LMX1A: variants seen among roughly 807,000 people sequenced by gnomAD.
LMX1A encodes LIM homeobox transcription factor 1 alpha, also known as LIM homeobox transcription factor 1-alpha.
Under a neutral mutation model 49.1 loss-of-function variants are expected in LMX1A, and 15 were observed. That is an observed-to-expected ratio of 0.31 (90% CI 0.20 to 0.47). The LOEUF (loss-of-function observed/expected upper bound fraction) is 0.47, where lower values mean the gene tolerates loss of function less well. Ranked by LOEUF, LMX1A falls within the 20% of genes least tolerant of loss-of-function variation. The pLI, the probability that LMX1A is intolerant of heterozygous loss-of-function variation, is 1.00. For missense variants in LMX1A, 372 were observed against 475.8 expected (o/e 0.78, Z 2.03); for synonymous variants, 167 against 185.7 (o/e 0.90, Z 0.82).
At chr1:165,319,965 T>C (rs1269262388) in intron 3 of LMX1A, among the ~76,000 whole-genome samples, 1 of 152,206 alleles carries the variant, frequency 6.6e-6, no homozygotes, top group Non-Finnish European at 1.5e-5. Context: ...GTCAGGGTTA[T>C]AGTTCTGCAT....
intron 3 of LMX1A, among the ~76,000 whole-genome samples, chr1:165,280,240 C>G (rs1383586780): frequency 6.6e-6 from 1 of 152,192 alleles, no homozygotes; most frequent in Non-Finnish European, 1.5e-5. Context: ...GTGCTGCTCC[C>G]CTTGTCTAAA....
rs1656621970 is a variant in LMX1A, at chr1:165,356,465, C to T, written c.-133G>A. The T allele has an allele frequency of 6.6e-6, 1 of 152,074 alleles. No individual in the cohort carries two copies. The highest frequency in any genetic ancestry group is 6.5e-5 in the Admixed American group (1 of 15,280). The allele number at this position is 152,074 out of a possible 1,614,324, so 9.4% of individuals were successfully genotyped here. The stretch of plus-strand genomic sequence containing the variant: ...CCCGAGACTGCAGCCGGAGGAGCCG[C>T]CCTCGGCTTCGGAGCGCCGGGGAGG... On this transcript the variant is annotated 5_prime_UTR_variant, in exon 1 of 9. Transcript: ENST00000342310.
chr1:165,244,662 A>T (rs140055267), intron 4 of LMX1A, among the ~76,000 whole-genome samples: 3 of 152,168 alleles, frequency 2.0e-5, no homozygotes, highest in Non-Finnish European at 4.4e-5. Flanking sequence ...TTAGCTCTCC[A>T]TGATGGGAAA....
chr1:165,317,546 A>G (rs1370517914), intron 3 of LMX1A, among the ~76,000 whole-genome samples: 3 of 151,782 alleles, frequency 2.0e-5, no homozygotes, highest in Admixed American at 2.0e-4. Flanking sequence ...CCACACGGGG[A>G]AAAAATAAAG....
At chr1:165,254,599 G>A (rs1157444693) in intron 3 of LMX1A, among the ~76,000 whole-genome samples, 1 of 152,192 alleles carries the variant, frequency 6.6e-6, no homozygotes, top group African/African-American at 2.4e-5. Flanking sequence ...TGTGGACCCA[G>A]CTGCTGACTG....
intron 4 of LMX1A, among the ~76,000 whole-genome samples, chr1:165,218,186 T>A (rs1057196044): frequency 6.6e-6 from 1 of 152,216 alleles, no homozygotes; most frequent in African/African-American, 2.4e-5. Context: ...CCATCAAAAC[T>A]TACACATCCT....
intron 3 of LMX1A, among the ~76,000 whole-genome samples, chr1:165,282,364 A>G (rs1401803421): frequency 2.0e-5 from 3 of 152,236 alleles, no homozygotes; most frequent in African/African-American, 7.2e-5. Flanking sequence ...TATAAAATGT[A>G]GTATGTGCAT....
chr1:165,216,176 G>A (rs558568683), intron 4 of LMX1A: 12 of 152,060 alleles, frequency 7.9e-5, no homozygotes, highest in African/African-American at 2.9e-4. Flanking sequence ...TGGTGTGAAG[G>A]GATTATAAAA....
intron 4 of LMX1A, among the ~76,000 whole-genome samples, chr1:165,217,905 C>G (rs562829307): frequency 5.1e-4 from 78 of 152,310 alleles, no homozygotes; most frequent in African/African-American, 1.8e-3. Context: ...TTCCATTTTG[C>G]TTTCTAAGAA....
At chr1:165,253,289 T>C (rs1653122082) in intron 3 of LMX1A, among the ~76,000 whole-genome samples, 1 of 152,186 alleles carries the variant, frequency 6.6e-6, no homozygotes, top group Admixed American at 6.5e-5. Context: ...TAAAATAGAA[T>C]GGCATAAAGC....
chr1:165,285,722 T>G (rs1451015208), intron 3 of LMX1A, among the ~76,000 whole-genome samples: 1 of 152,212 alleles, frequency 6.6e-6, no homozygotes, highest in African/African-American at 2.4e-5. Flanking sequence ...CAGGATGGGT[T>G]ATTAAACACA....
intron 3 of LMX1A, among the ~76,000 whole-genome samples, chr1:165,272,012 T>C (rs933240888): frequency 2.0e-5 from 3 of 152,148 alleles, no homozygotes; most frequent in Non-Finnish European, 4.4e-5. Context: ...TTTTTTAATA[T>C]ATATTTTTTT....
At position 165,355,651 on chromosome 1, in the gene LMX1A, C is replaced by T. The variant is rs1406729603; in HGVS notation, c.-22-70G>A. On this transcript the variant is annotated intron_variant, in intron 1 of 8. Transcript: ENST00000342310. This position sits in a 1 kb window ranked among gnomAD's most constrained non-coding sequence, Gnocchi z 4.7. ...GGACTCGGCGCCAGCAGCCACCGCA[C>T]TCCTGGGAAAGAACTGAGGGAGTGT... 8.3e-7 allele frequency: 1 copy of T among 1,202,944 alleles called. No individual in the cohort carries two copies. The highest frequency in any genetic ancestry group is 1.2e-6 in the Non-Finnish European group (1 of 828,864). The allele number at this position is 1,202,944 out of a possible 1,614,324, so 74.5% of individuals were successfully genotyped here.
In LMX1A at chr1:165,352,968, G is replaced by GC. The variant is rs1252457207; in HGVS notation, c.263+107dup. On this transcript the variant is annotated intron_variant, in intron 3 of 8. Coordinates refer to ENST00000342310, the MANE Select transcript of LMX1A (RefSeq NM_177398.4). ...GCTGAAGGGAAGTTCTGCTCGCTGG[G>GC]CGTGTCTCTTGGGCCTTCCAGAAAA... The GC allele has an allele frequency of 1.4e-5, 16 of 1,134,428 alleles. No individual in the cohort carries two copies. The African/African-American group carries it at 2.3e-4, about 16-fold the overall frequency. 70.3% of individuals were successfully genotyped at this position (1,134,428 alleles called of 1,614,324 possible).
At chr1:165,266,854 G>C (rs1378380208) in intron 3 of LMX1A, among the ~76,000 whole-genome samples, 1 of 152,082 alleles carries the variant, frequency 6.6e-6, no homozygotes, top group Non-Finnish European at 1.5e-5. Flanking sequence ...GCCTGCCTCA[G>C]CCTCCCAAAG....
At chr1:165,250,289 T>G (rs1256843010) in intron 3 of LMX1A, among the ~76,000 whole-genome samples, 2 of 152,090 alleles carry the variant, frequency 1.3e-5, no homozygotes, top group Non-Finnish European at 2.9e-5. Flanking sequence ...GCCCAGAATG[T>G]ATTTGCTGTG....
chr1:165,233,855 C>T lies in LMX1A; in HGVS notation c.496+15553G>A, dbSNP rs528744567. Among the ~76,000 whole-genome samples the T allele has an allele frequency of 8.8e-4, 134 of 152,236 alleles. 1 individual carries two copies. The highest frequency in any genetic ancestry group is 3.4e-3 in the Middle Eastern group (1 of 294). ...TGCCTGACATATTAGTAGGGATTCA[C>T]GAAGTATTGAAGGCATAAATGAATG... On this transcript the variant is annotated intron_variant, in intron 4 of 8. Transcript: ENST00000342310.
chr1:165,352,667 G>A (rs1033065051), intron 3 of LMX1A, among the ~76,000 whole-genome samples: 3 of 152,244 alleles, frequency 2.0e-5, no homozygotes, highest in Non-Finnish European at 2.9e-5. Flanking sequence ...GGTAACATGG[G>A]GTGAGAACCA....
chr1:165,322,441 T>C (rs190370973), intron 3 of LMX1A, among the ~76,000 whole-genome samples: 1 of 152,264 alleles, frequency 6.6e-6, no homozygotes, highest in Admixed American at 6.5e-5. Context: ...TACCAAATGA[T>C]GAATGATATG....
Sources: allele counts gnomAD v4.1 joint callset (sites outside exome capture counted in the v4.1 genomes callset), GRCh38; gene constraint gnomAD v4.1.1; non-coding constraint Gnocchi (gnomAD v3.1); transcripts MANE v1.5; gene names NCBI Gene and HGNC (gene_info 2026-07-23, HGNC 2026-07-21).